ERICH3: variants seen among roughly 807,000 people sequenced by gnomAD.
ERICH3 encodes the protein glutamate rich 3.
ERICH3 carries 126 observed loss-of-function variants against 131.1 expected under a neutral mutation model. The observed-to-expected ratio is 0.96, with a 90% CI of 0.83 to 1.11. The LOEUF (loss-of-function observed/expected upper bound fraction) is 1.11. Among genes scored for constraint, ERICH3 ranks in the 50% most tolerant of loss-of-function variants. ERICH3 has a pLI of 0.00. For missense variants in ERICH3, 2,050 were observed against 1,810.7 expected (o/e 1.13, Z -2.40); for synonymous variants, 695 against 644.6 (o/e 1.08, Z -1.18).
chr1:74,576,884 G>A lies in ERICH3; in HGVS notation c.2218+11C>T. On this transcript the variant is annotated intron_variant, in intron 13 of 14. Coordinates refer to ENST00000326665, the MANE Select transcript of ERICH3 (RefSeq NM_001002912.5). ...CACTCTAATTGGACCTCTTGCAGAT[G>A]GAATACTTACCACCAAGAGCCAGGA... 6.3e-7 allele frequency: 1 copy of A among 1,596,168 alleles called. No homozygotes were observed. Among genetic ancestry groups the A allele is most frequent in the Non-Finnish European group, 8.5e-7 (1 of 1,172,180 alleles).
intron 2 of ERICH3, 47 bp from the exon 3 acceptor site, chr1:74,646,839 G>A (rs990978546): frequency 8.5e-7 from 1 of 1,172,360 alleles, no homozygotes; most frequent in African/African-American, 1.6e-5. Context: ...AATAGAAAAT[G>A]TGGTGTTAGT....
chr1:74,599,587 A>G, intron 11 of ERICH3, 108 bp downstream of exon 11: 2 of 961,808 alleles, frequency 2.1e-6, no homozygotes, highest in Non-Finnish European at 3.1e-6. Context: ...TAGAAAACAT[A>G]CATTCAAGAG....
chr1:74,622,277 A>C (rs1649249328), intron 7 of ERICH3: 1 of 152,220 alleles, frequency 6.6e-6, no homozygotes, highest in Non-Finnish European at 1.5e-5. Context: ...AATTCAAGCA[A>C]ATTTTCTTGC....
intron 1 of ERICH3, among the ~76,000 whole-genome samples, chr1:74,657,859 G>GA (rs1304193357): frequency 6.6e-6 from 1 of 151,928 alleles, no homozygotes; most frequent in Admixed American, 6.6e-5. Flanking sequence ...TCTTTGAACA[G>GA]AAAAAAATTG....
chr1:74,626,588 T>C (rs1649423298), intron 7 of ERICH3, among the ~76,000 whole-genome samples: 1 of 152,208 alleles, frequency 6.6e-6, no homozygotes, highest in Admixed American at 6.5e-5. Context: ...ATAAAAGCTA[T>C]ATATGAAACT....
Position 74,641,472 on chromosome 1 carries a change from A to C in ERICH3, c.316-13T>G. ...TTGTGTGCTCTCCCTAGAATAAGAAAGCAATTTAGCAAATAGATGCATAGT... is the reference window on the plus strand; with the variant it reads ...TTGTGTGCTCTCCCTAGAATAAGAACGCAATTTAGCAAATAGATGCATAGT... On this transcript the variant is annotated splice_polypyrimidine_tract_variant and intron_variant, in intron 4 of 14. Transcript: ENST00000326665. 2 of 1,608,656 alleles carry C rather than the reference A, an allele frequency of 1.2e-6. No homozygotes were observed. Among genetic ancestry groups the C allele is most frequent in the Non-Finnish European group, 1.7e-6 (2 of 1,177,868 alleles).
chr1:74,571,058 G>T (rs1257630108), intron 14 of ERICH3, 41 bp downstream of exon 14: 4 of 1,555,986 alleles, frequency 2.6e-6, no homozygotes, highest in Non-Finnish European at 3.5e-6. Flanking sequence ...CCACCGCAGG[G>T]CTGCTATTTA....
chr1:74,575,512 T>A (rs1557661726), intron 13 of ERICH3, among the ~76,000 whole-genome samples: 1 of 152,356 alleles, frequency 6.6e-6, no homozygotes, highest in South Asian at 2.1e-4. Flanking sequence ...ATGGTCCATT[T>A]TATTTCATTA....
chr1:74,640,112 G>A (rs1646425063), intron 5 of ERICH3, among the ~76,000 whole-genome samples: 1 of 152,104 alleles, frequency 6.6e-6, no homozygotes, highest in Non-Finnish European at 1.5e-5. Context: ...ATTAAGATCT[G>A]CTGGATGTAT....
intron 12 of ERICH3, chr1:74,578,696 ACTTCCTTC>A (rs71751947): frequency 0.43 from 58,413 of 135,570 alleles, 12,578 homozygotes; most frequent in Non-Finnish European, 0.51. Context: ...TTCTTTCTTT[ACTTCCTTC>A]CTTCCTTCCT....
At chr1:74,672,978 A>G (rs1423728867) in intron 1 of ERICH3, among the ~76,000 whole-genome samples, 1 of 152,042 alleles carries the variant, frequency 6.6e-6, no homozygotes, top group Non-Finnish European at 1.5e-5. Context: ...AAAGACCCTT[A>G]TGGTCCTTTT....
At chr1:74,637,864 C>T (rs1045398754) in intron 5 of ERICH3, among the ~76,000 whole-genome samples, 3 of 151,586 alleles carry the variant, frequency 2.0e-5, no homozygotes, top group African/African-American at 4.9e-5. Flanking sequence ...TGAACTGGGA[C>T]TGTGCCACTG....
intron 11 of ERICH3, among the ~76,000 whole-genome samples, chr1:74,593,741 T>C (rs771561654): frequency 6.6e-6 from 1 of 152,110 alleles, no homozygotes; most frequent in Non-Finnish European, 1.5e-5. Flanking sequence ...TATGAAATAA[T>C]AATTATCTTC....
rs567686144 is a variant in ERICH3 at position 74,669,101 on chromosome 1, C to T, written c.23+4396G>A. 7.9e-5 allele frequency among the ~76,000 whole-genome samples: 12 copies of T among 151,988 alleles called. No homozygotes were observed. The South Asian group carries it at 2.3e-3, about 29-fold the overall frequency. On this transcript the variant is annotated intron_variant, in intron 1 of 14. Coordinates refer to ENST00000326665, the MANE Select transcript of ERICH3 (RefSeq NM_001002912.5). ...CTGTAAAATTGACAGCTTGACCTAA[C>T]GGTAGTTTTTAATCTGCCTTCGATG...
At chr1:74,599,597 GA>G (rs1438733677) in intron 11 of ERICH3, 97 bp downstream of exon 11, 4 of 1,043,194 alleles carry the variant, frequency 3.8e-6, no homozygotes, top group African/African-American at 1.6e-5. Context: ...ACATTCAAGA[GA>G]AAAAAAAGAG....
chr1:74,615,384 A>G (rs1648912547), intron 8 of ERICH3: 1 of 152,164 alleles, frequency 6.6e-6, no homozygotes, highest in Non-Finnish European at 1.5e-5. Flanking sequence ...AGAATGTGCT[A>G]GTCTATCCAC....
chr1:74,579,765 C>G, intron 12 of ERICH3: 1 of 985,350 alleles, frequency 1.0e-6, no homozygotes. Context: ...ACTTTGTTGC[C>G]TCTCTGTATT....
intron 9 of ERICH3, among the ~76,000 whole-genome samples, chr1:74,611,935 A>G (rs901591316): frequency 2.6e-5 from 4 of 152,160 alleles, no homozygotes; most frequent in Admixed American, 1.3e-4. Flanking sequence ...CTTTTCCTCC[A>G]TTAGAATAAG....
intron 12 of ERICH3, among the ~76,000 whole-genome samples, chr1:74,583,830 C>T (rs565408654): frequency 5.9e-4 from 89 of 152,116 alleles, no homozygotes; most frequent in Non-Finnish European, 1.1e-3. Context: ...CATTTCCTAT[C>T]GTGTATTCTC....
Sources: allele counts gnomAD v4.1 joint callset (sites outside exome capture counted in the v4.1 genomes callset), GRCh38; gene constraint gnomAD v4.1.1; transcripts MANE v1.5; gene names NCBI Gene and HGNC (gene_info 2026-07-23, HGNC 2026-07-21).